Variants in PTPRT observed in about 807,000 individuals in gnomAD.
PTPRT encodes protein tyrosine phosphatase receptor type T, also known as receptor-type tyrosine-protein phosphatase T.
PTPRT carries 56 observed loss-of-function variants against 176.8 expected under a neutral mutation model. The observed-to-expected ratio is 0.32, with a 90% CI of 0.26 to 0.40. The LOEUF (loss-of-function observed/expected upper bound fraction) is 0.40, where lower values mean the gene tolerates loss of function less well. Among genes scored for constraint, PTPRT ranks in the 10% least tolerant of loss-of-function variants. PTPRT has a pLI of 1.00. For synonymous variants in PTPRT, 783 were observed against 739.0 expected (o/e 1.06, Z -0.96); for missense variants, 1,540 against 1,908.2 (o/e 0.81, Z 3.60).
At chr20:42,999,849 CAT>C in intron 1 of PTPRT, among the ~76,000 whole-genome samples, 1 of 151,922 alleles carries the variant, frequency 6.6e-6, no homozygotes, top group Middle Eastern at 3.4e-3. Context: ...TCATAGAAGT[CAT>C]ATATGTTTCA....
intron 7 of PTPRT, among the ~76,000 whole-genome samples, chr20:42,604,539 C>T (rs1311077141): frequency 4.0e-5 from 6 of 151,632 alleles, no homozygotes; most frequent in South Asian, 4.2e-4. Context: ...TGATTGTGTT[C>T]CTTTTTACCT....
intron 1 of PTPRT, among the ~76,000 whole-genome samples, chr20:43,046,054 G>A (rs1487775485): frequency 6.6e-6 from 1 of 152,068 alleles, no homozygotes; most frequent in Non-Finnish European, 1.5e-5. Flanking sequence ...GGTGAGTAGG[G>A]GTAGAATCAT....
chr20:43,160,319 A>T (rs2014656875), intron 1 of PTPRT, among the ~76,000 whole-genome samples: 1 of 152,252 alleles, frequency 6.6e-6, no homozygotes, highest in Non-Finnish European at 1.5e-5. Flanking sequence ...TTGGTTACTG[A>T]CACACAAATA....
At chr20:42,861,051 G>A (rs1221150902) in intron 2 of PTPRT, among the ~76,000 whole-genome samples, 4 of 152,206 alleles carry the variant, frequency 2.6e-5, no homozygotes, top group African/African-American at 9.6e-5. Flanking sequence ...TCTGTAGTCT[G>A]TATCTCCCAG....
intron 9 of PTPRT, among the ~76,000 whole-genome samples, chr20:42,423,552 G>C (rs1395740565): frequency 6.6e-6 from 1 of 152,108 alleles, no homozygotes; most frequent in Non-Finnish European, 1.5e-5. Context: ...ATCAGAGCTT[G>C]GGTTGATGCA....
Position 43,156,042 on chromosome 20 carries a change from A to G in PTPRT, c.88+33604T>C, listed in dbSNP as rs546012630. 3.9e-5 allele frequency among the ~76,000 whole-genome samples: 6 copies of G among 152,296 alleles called. No individual in the cohort carries two copies. The East Asian group carries it at 1.2e-3, about 29-fold the overall frequency. On this transcript the variant is annotated intron_variant, in intron 1 of 30. Transcript: ENST00000373187. ...TTTTATCTGGGCATTTTTACACACT[A>G]TTCACGACACCTCCAAGCAACATTG...
chr20:42,570,031 A>G (rs1206676947), intron 7 of PTPRT, among the ~76,000 whole-genome samples: 1 of 152,160 alleles, frequency 6.6e-6, no homozygotes, highest in Non-Finnish European at 1.5e-5. Context: ...GCTAGTATAT[A>G]AATTTAGGTC....
intron 7 of PTPRT, among the ~76,000 whole-genome samples, chr20:42,507,853 C>T (rs976030267): frequency 1.3e-3 from 182 of 139,156 alleles, no homozygotes; most frequent in Non-Finnish European, 2.3e-3. Context: ...ACTCACAGGA[C>T]TTTTTTTTTT....
At chr20:43,106,434 G>A (rs537121777) in intron 1 of PTPRT, among the ~76,000 whole-genome samples, 24 of 152,238 alleles carry the variant, frequency 1.6e-4, no homozygotes, top group African/African-American at 5.3e-4. Context: ...AAGGTGGGTG[G>A]AGCACCTGAG....
intron 7 of PTPRT, among the ~76,000 whole-genome samples, chr20:42,497,679 C>T (rs2071679486): frequency 1.3e-5 from 2 of 152,100 alleles, no homozygotes; most frequent in African/African-American, 2.4e-5. Flanking sequence ...CTTTACCTTC[C>T]TTTTGTTTTA....
At chr20:42,753,262 C>T (rs941128892) in intron 6 of PTPRT, among the ~76,000 whole-genome samples, 2 of 152,110 alleles carry the variant, frequency 1.3e-5, no homozygotes, top group Admixed American at 6.5e-5. Flanking sequence ...TGTTTCTCAA[C>T]CTGGCTGTGC....
intron 9 of PTPRT, among the ~76,000 whole-genome samples, chr20:42,391,069 T>A (rs1252755500): frequency 6.6e-6 from 1 of 152,178 alleles, no homozygotes; most frequent in East Asian, 1.9e-4. Context: ...TTGAGTAATA[T>A]GTAGTGGGGT....
At chr20:42,052,525 T>G in the PTPRT span, among the ~76,000 whole-genome samples, 2 of 152,188 alleles carry the variant, frequency 1.3e-5, no homozygotes, top group African/African-American at 2.4e-5. Context: ...TACCATTTTT[T>G]TTAGATCATC....
At chr20:42,700,891 C>G (rs2075964680) in intron 6 of PTPRT, among the ~76,000 whole-genome samples, 1 of 152,172 alleles carries the variant, frequency 6.6e-6, no homozygotes, top group African/African-American at 2.4e-5. Flanking sequence ...ATCAGACACA[C>G]TAAGACAGGT....
intron 3 of PTPRT, among the ~76,000 whole-genome samples, chr20:42,790,294 T>G (rs2077354431): frequency 6.6e-6 from 1 of 151,840 alleles, no homozygotes; most frequent in Non-Finnish European, 1.5e-5. Flanking sequence ...CCTCTAAGCA[T>G]GCTTTATGGA....
chr20:42,962,024 T>G (rs991485845), intron 1 of PTPRT, among the ~76,000 whole-genome samples: 1 of 152,328 alleles, frequency 6.6e-6, no homozygotes, highest in Admixed American at 6.5e-5. Context: ...AGGAATGCAG[T>G]CCTGCTGTCA....
At chr20:42,480,305 A>T (rs1053614462) in intron 7 of PTPRT, among the ~76,000 whole-genome samples, 1 of 152,206 alleles carries the variant, frequency 6.6e-6, no homozygotes, top group Non-Finnish European at 1.5e-5. Flanking sequence ...GGTACTAAAT[A>T]CAGTTGCACT....
Position 42,959,461 on chromosome 20 carries a change from C to T in PTPRT, c.89-73529G>A, listed in dbSNP as rs371637418. Among the ~76,000 whole-genome samples the T allele has an allele frequency of 5.9e-5, 9 of 152,282 alleles. No homozygotes were observed. In the South Asian group the frequency reaches 1.7e-3, roughly 28 times the overall value. On this transcript the variant is annotated intron_variant, in intron 1 of 30. Transcript: ENST00000373187. ...GTGCCAGGGACTGAGACCCGTACTT[C>T]GGATGCATCATCTCATTTAATTCAC...
chr20:42,465,081 T>C (rs1191231214), intron 8 of PTPRT, among the ~76,000 whole-genome samples: 3 of 151,972 alleles, frequency 2.0e-5, no homozygotes, highest in African/African-American at 7.2e-5. Context: ...TTATTAATTA[T>C]AATCAATTAC....
Sources: gnomAD v4.1 joint callset for allele counts (sites outside exome capture counted in the v4.1 genomes callset) on GRCh38, gnomAD v4.1.1 for gene constraint, MANE v1.5 for transcripts, NCBI Gene and HGNC (gene_info 2026-07-23, HGNC 2026-07-21) for gene names.